HERC2: variants seen among roughly 807,000 people sequenced by gnomAD.
HERC2 encodes E3 ubiquitin-protein ligase HERC2.
A neutral mutation model predicts 537.7 loss-of-function variants in HERC2; 102 were observed. That is an observed-to-expected ratio of 0.19 (90% CI 0.16 to 0.22). HERC2 has a LOEUF of 0.22. HERC2 is among the 10% of genes least tolerant of loss of function. HERC2 has a pLI of 1.00. For missense variants in HERC2, 4,236 were observed against 6,198.2 expected, an observed-to-expected ratio of 0.68 and a Z score of 10.63; for synonymous variants, 2,224 against 2,466.2, an observed-to-expected ratio of 0.90 and a Z score of 2.91.
intron 83 of HERC2, among the ~76,000 whole-genome samples, 177 bp from the exon 84 acceptor site, chr15:28,125,370 C>T (rs535185038): frequency 6.6e-6 from 1 of 152,308 alleles, no homozygotes; most frequent in East Asian, 1.9e-4. Context: ...ATGACCTAAA[C>T]ATGAATACAT....
At position 28,213,858 on chromosome 15, in the gene HERC2, T is replaced by G; in HGVS notation, c.6670A>C (p.Met2224Leu). 2.5e-6 allele frequency: 4 copies of G among 1,614,020 alleles called. No individual in the cohort carries two copies. Among genetic ancestry groups the G allele is most frequent in the Non-Finnish European group, 3.4e-6 (4 of 1,179,944 alleles). ...DGRLRLGGQVMHDEFGEGTVT... is the reference protein window; with the variant it reads ...DGRLRLGGQVLHDEFGEGTVT... ...GTGCCTTCTCCAAACTCATCGTGCATAACTTGACCGCCCAGGCGCAGGCGA... is the reference window on the plus strand; with the variant it reads ...GTGCCTTCTCCAAACTCATCGTGCAGAACTTGACCGCCCAGGCGCAGGCGA... Residue 2224 changes from methionine to leucine, a missense_variant, in exon 42 of 93, where the codon ATG (methionine) becomes CTG (leucine). Physicochemically the swap from Met to Leu is conservative, Grantham distance 15. Coordinates refer to ENST00000261609, the MANE Select transcript of HERC2 (RefSeq NM_004667.6).
rs1246803270 is a variant in HERC2, at chr15:28,272,965, G to A, written c.840C>T (p.Ser280=). Residue 280 remains serine, a synonymous_variant, in exon 8 of 93, where the codon AGC becomes AGT. Transcript: ENST00000261609. The part of the protein sequence containing the change: ...HGTPATKGPG[S]IPLQDQHLAL... ...CCAAGTGCTGGTCCTGCAGGGGGAT[G>A]CTTCCTGGCCCTTTGGTGGCTGGCG... 6.2e-7 allele frequency: 1 copy of A among 1,612,500 alleles called. No individual in the cohort carries two copies. The highest frequency in any genetic ancestry group is 8.5e-7 in the Non-Finnish European group (1 of 1,180,014).
rs560900186 is a variant in HERC2, at chr15:28,299,618, G to A, written c.73-102C>T. ...AAATCTCAATCCCCCTTATGTATTCGATCATTTGGTAATAAAATCAATGAT... is the reference window on the plus strand; with the variant it reads ...AAATCTCAATCCCCCTTATGTATTCAATCATTTGGTAATAAAATCAATGAT... On this transcript the variant is annotated intron_variant, in intron 2 of 92. Coordinates refer to ENST00000261609, the MANE Select transcript of HERC2 (RefSeq NM_004667.6). 1.4e-4 allele frequency: 90 copies of A among 636,618 alleles called. 1 individual carries two copies. The highest frequency in any genetic ancestry group is 1.3e-3 in the African/African-American group (69 of 54,662). The allele number at this position is 636,618 out of a possible 1,614,324, so 39.4% of individuals were successfully genotyped here. A position where few individuals can be genotyped will look rare whatever the true frequency, so the allele number is the denominator to read the frequency against.
intron 2 of HERC2, among the ~76,000 whole-genome samples, chr15:28,302,909 C>A (rs143646022): frequency 4.4e-3 from 668 of 151,862 alleles, no homozygotes; most frequent in African/African-American, 0.015. Context: ...GGTTATTAAT[C>A]CTTTGTCAGA....
intron 66 of HERC2, 79 bp from the exon 67 acceptor site, chr15:28,168,669 C>A: frequency 7.4e-7 from 1 of 1,351,904 alleles, no homozygotes. Flanking sequence ...GCAGGGCTAG[C>A]ACGCACTGAG....
rs779907169 is a variant in HERC2 at position 28,132,625 on chromosome 15, C to T, written c.12408+28G>A. On this transcript the variant is annotated intron_variant, in intron 80 of 92. Transcript: ENST00000261609. ...AGCAGCAGTGAGGAGCATGCAGCCTCCGGCCTCTGCACACGGCGCCTCCTC... is the reference window on the plus strand; with the variant it reads ...AGCAGCAGTGAGGAGCATGCAGCCTTCGGCCTCTGCACACGGCGCCTCCTC... 1.2e-5 allele frequency: 17 copies of T among 1,415,944 alleles called. No homozygotes were observed. The African/African-American group carries it at 2.1e-4, about 17-fold the overall frequency. The allele number at this position is 1,415,944 out of a possible 1,614,324, so 87.7% of individuals were successfully genotyped here. A position where few individuals can be genotyped will look rare whatever the true frequency, so the allele number is the denominator to read the frequency against.
intron 23 of HERC2, among the ~76,000 whole-genome samples, chr15:28,240,318 T>C (rs1404001715): frequency 6.6e-6 from 1 of 152,132 alleles, no homozygotes; most frequent in Non-Finnish European, 1.5e-5. Flanking sequence ...CTCGGGAGGC[T>C]GAGGCAGGAG....
intron 2 of HERC2, among the ~76,000 whole-genome samples, chr15:28,309,830 T>C (rs990870832): frequency 1.3e-5 from 2 of 152,310 alleles, no homozygotes; most frequent in East Asian, 1.9e-4. Flanking sequence ...ACTTGTTCTG[T>C]AGCGACAGAA....
chr15:28,255,726 G>A (rs1160274572), intron 19 of HERC2, 146 bp downstream of exon 19: 2 of 841,302 alleles, frequency 2.4e-6, no homozygotes, highest in Non-Finnish European at 3.6e-6. Flanking sequence ...TTTGTAAATT[G>A]GCACATAAAA....
At chr15:28,276,586 T>G (rs2141025350) in intron 5 of HERC2, among the ~76,000 whole-genome samples, 1 of 151,986 alleles carries the variant, frequency 6.6e-6, no homozygotes, top group South Asian at 2.1e-4. Flanking sequence ...AATACAAAAA[T>G]TAGCCGGGTG....
intron 3 of HERC2, among the ~76,000 whole-genome samples, chr15:28,296,030 A>G (rs2076460043): frequency 6.6e-6 from 1 of 152,090 alleles, no homozygotes; most frequent in South Asian, 2.1e-4. Context: ...AAAATAAAAT[A>G]AAATATTCAT....
intron 86 of HERC2, among the ~76,000 whole-genome samples, chr15:28,120,788 G>A (rs1322951310): frequency 2.0e-5 from 3 of 152,178 alleles, no homozygotes; most frequent in Non-Finnish European, 4.4e-5. Flanking sequence ...CAAAAGGGGT[G>A]ACCGAAGATA....
At position 28,177,320 on chromosome 15, in the gene HERC2, A is replaced by G; in HGVS notation, c.9254+99T>C. 7.4e-7 allele frequency: 1 copy of G among 1,355,580 alleles called. No individual in the cohort carries two copies. Among genetic ancestry groups the G allele is most frequent in the Non-Finnish European group, 1.0e-6 (1 of 968,402 alleles). The allele number at this position is 1,355,580 out of a possible 1,614,324, so 84.0% of individuals were successfully genotyped here. ...AAAATTTTGTTTAAGAACCATTTCT[A>G]TAATCTATTCTATTCTAATTTTCTG... On this transcript the variant is annotated intron_variant, in intron 60 of 92. Transcript: ENST00000261609. The surrounding 1 kb of genome is among the most constrained non-coding windows in gnomAD (Gnocchi z 5.0).
At chr15:28,276,753 C>A (rs199653634) in intron 5 of HERC2, among the ~76,000 whole-genome samples, 3 of 149,028 alleles carry the variant, frequency 2.0e-5, no homozygotes, top group Admixed American at 2.0e-4. Context: ...AAAACAAAAA[C>A]AAAAACAAAA....
intron 70 of HERC2, among the ~76,000 whole-genome samples, chr15:28,147,706 A>T (rs1057066353): frequency 3.7e-4 from 57 of 152,270 alleles, no homozygotes; most frequent in African/African-American, 1.3e-3. Flanking sequence ...AGATAAAAGT[A>T]TAAGACCAAA....
intron 48 of HERC2, among the ~76,000 whole-genome samples, chr15:28,199,169 T>C (rs77519763): frequency 0.077 from 11,751 of 151,958 alleles, 1,552 homozygotes; most frequent in African/African-American, 0.27. Context: ...GAATTTCATC[T>C]AGCACCCAGA....
At chr15:28,303,931 C>CA (rs2076704367) in intron 2 of HERC2, among the ~76,000 whole-genome samples, 1 of 152,064 alleles carries the variant, frequency 6.6e-6, no homozygotes, top group South Asian at 2.1e-4. Context: ...TTTGGGAGGC[C>CA]AAGGCAGGCG....
intron 43 of HERC2, among the ~76,000 whole-genome samples, chr15:28,211,469 C>T (rs1368956375): frequency 3.3e-5 from 5 of 152,110 alleles, no homozygotes; most frequent in Non-Finnish European, 7.3e-5. Context: ...GCTGAAGTTT[C>T]AGCCGCTTTC....
At chr15:28,226,081 CCATT>C (rs2140550454) in intron 35 of HERC2, among the ~76,000 whole-genome samples, 1 of 152,230 alleles carries the variant, frequency 6.6e-6, no homozygotes, top group African/African-American at 2.4e-5. Flanking sequence ...TTCTATGAGG[CCATT>C]ATTACCCTGA....
Sources: gnomAD v4.1 joint callset for allele counts (sites outside exome capture counted in the v4.1 genomes callset) on GRCh38, gnomAD v4.1.1 for gene constraint, Gnocchi (gnomAD v3.1) non-coding constraint, MANE v1.5 for transcripts, NCBI Gene and HGNC (gene_info 2026-07-23, HGNC 2026-07-21) for gene names.